The following PRR16 variants were observed in gnomAD, a reference collection of about 807,000 sequenced individuals.
PRR16 encodes the protein proline rich 16.
In PRR16, 6 loss-of-function variants were observed where a neutral mutation model predicts 18.2. That is an observed-to-expected ratio of 0.33 (90% CI 0.18 to 0.65). PRR16 has a LOEUF of 0.65. PRR16 is among the 30% of genes least tolerant of loss of function. The probability of loss-of-function intolerance (pLI) is 0.74; values close to 1 mark genes in which losing one functional copy is unlikely to be tolerated. For synonymous variants in PRR16, 151 were observed against 147.8 expected (o/e 1.02, Z -0.16); for missense variants, 412 against 376.6 (o/e 1.09, Z -0.78).
At chr5:120,690,179 A>G (rs948835119), downstream of PRR16, among the ~76,000 whole-genome samples, 1 of 152,182 alleles carries the variant, frequency 6.6e-6, no homozygotes, top group Admixed American at 6.5e-5. Context: ...ACAGATCAGC[A>G]TGACTAGAGC....
the PRR16 span, among the ~76,000 whole-genome samples, chr5:120,789,393 A>G: frequency 6.6e-6 from 1 of 152,142 alleles, no homozygotes. Context: ...ATTTTAATGT[A>G]CTTATTTAAA....
chr5:120,495,413 G>A (rs975883661), intron 1 of PRR16, among the ~76,000 whole-genome samples: 2 of 151,994 alleles, frequency 1.3e-5, no homozygotes, highest in Non-Finnish European at 2.9e-5. Flanking sequence ...TATATAAAAT[G>A]GTATGGTATT....
chr5:120,785,146 TAAAC>T, the PRR16 span, among the ~76,000 whole-genome samples: 95 of 152,348 alleles, frequency 6.2e-4, no homozygotes, highest in African/African-American at 2.1e-3. Flanking sequence ...ACAAATATCA[TAAAC>T]AAAGCTTGCC....
At chr5:120,561,171 G>A (rs1418987279) in intron 1 of PRR16, among the ~76,000 whole-genome samples, 2 of 151,368 alleles carry the variant, frequency 1.3e-5, no homozygotes, top group African/African-American at 4.9e-5. Flanking sequence ...AGTTGAGTTT[G>A]CTCTTTCATT....
At chr5:120,745,670 C>A in the PRR16 span, among the ~76,000 whole-genome samples, 1 of 147,274 alleles carries the variant, frequency 6.8e-6, no homozygotes, top group African/African-American at 2.6e-5. Context: ...TTTGTTTTAG[C>A]CTTGTATTTA....
chr5:120,595,228 A>C (rs911794252), intron 1 of PRR16, among the ~76,000 whole-genome samples: 2 of 152,008 alleles, frequency 1.3e-5, no homozygotes, highest in Non-Finnish European at 2.9e-5. Context: ...TAAGAAACTT[A>C]ACGAAATTTG....
intron 1 of PRR16, among the ~76,000 whole-genome samples, chr5:120,659,022 A>AC (rs1209837301): frequency 2.7e-4 from 40 of 150,416 alleles, no homozygotes; most frequent in Admixed American, 2.5e-3. Context: ...CTCACCTGCG[A>AC]CCCCCCATCA....
Position 120,687,177 on chromosome 5 carries a change from T to G in PRR16, c.*468T>G, listed in dbSNP as rs1316115625. ...TCACTAGTTTTTCATTATTAAATGC[T>G]GAGGCCAATACCAAGAAGTTTATTT... On this transcript the variant is annotated 3_prime_UTR_variant, in exon 2 of 2. Transcript: ENST00000407149. 6.5e-6 allele frequency: 1 copy of G among 152,734 alleles called. No homozygotes were observed. Among genetic ancestry groups the G allele is most frequent in the Non-Finnish European group, 1.5e-5 (1 of 68,178 alleles). 9.5% of individuals were successfully genotyped at this position (152,734 alleles called of 1,614,324 possible).
chr5:120,792,889 C>T, the PRR16 span, among the ~76,000 whole-genome samples: 1 of 150,978 alleles, frequency 6.6e-6, no homozygotes, highest in Admixed American at 6.6e-5. Flanking sequence ...TGGTGGCTCA[C>T]GCCTGTTAAT....
At chr5:120,601,063 A>C (rs1753966493) in intron 1 of PRR16, among the ~76,000 whole-genome samples, 1 of 151,958 alleles carries the variant, frequency 6.6e-6, no homozygotes, top group Non-Finnish European at 1.5e-5. Context: ...TGGTAGAGTT[A>C]TTTATATTCC....
the PRR16 span, among the ~76,000 whole-genome samples, chr5:120,704,523 A>G: frequency 6.6e-6 from 1 of 152,226 alleles, no homozygotes; most frequent in Non-Finnish European, 1.5e-5. Flanking sequence ...TTTATGGTAT[A>G]GAAACTAGAG....
At chr5:120,580,806 G>A (rs1333432485) in intron 1 of PRR16, among the ~76,000 whole-genome samples, 1 of 152,070 alleles carries the variant, frequency 6.6e-6, no homozygotes, top group Non-Finnish European at 1.5e-5. Flanking sequence ...TTTTGGTTCT[G>A]TTTATGTGAT....
intron 1 of PRR16, among the ~76,000 whole-genome samples, chr5:120,610,281 A>G (rs1039093588): frequency 2.0e-5 from 3 of 151,686 alleles, no homozygotes; most frequent in South Asian, 4.1e-4. Flanking sequence ...ATGTCACAAC[A>G]TGGGTTTTTA....
chr5:120,775,241 A>G, the PRR16 span, among the ~76,000 whole-genome samples: 1 of 152,180 alleles, frequency 6.6e-6, no homozygotes, highest in African/African-American at 2.4e-5. Flanking sequence ...TATTTTGCAT[A>G]ATAGCATATA....
At chr5:120,466,417 GGCT>G (rs1409719602) in intron 1 of PRR16, among the ~76,000 whole-genome samples, 1 of 152,170 alleles carries the variant, frequency 6.6e-6, no homozygotes, top group Non-Finnish European at 1.5e-5. Flanking sequence ...GTTTTCATGA[GGCT>G]GAGACTAAAA....
chr5:120,716,904 T>A, the PRR16 span, among the ~76,000 whole-genome samples: 3 of 151,816 alleles, frequency 2.0e-5, no homozygotes, highest in African/African-American at 7.3e-5. Context: ...CAAACAAAAA[T>A]CATGGTCCTT....
downstream of PRR16, among the ~76,000 whole-genome samples, chr5:120,691,483 C>G (rs1757208588): frequency 6.6e-6 from 1 of 151,972 alleles, no homozygotes; most frequent in South Asian, 2.1e-4. Context: ...AGTTCAAAGA[C>G]TATTATTTTG....
intron 1 of PRR16, among the ~76,000 whole-genome samples, chr5:120,558,520 G>A (rs1019752327): frequency 4.6e-5 from 7 of 151,882 alleles, no homozygotes; most frequent in African/African-American, 1.4e-4. Flanking sequence ...TTGTGTATAA[G>A]TACCACCTTT....
intron 1 of PRR16, among the ~76,000 whole-genome samples, chr5:120,533,599 A>T (rs1214725075): frequency 6.6e-6 from 1 of 152,144 alleles, no homozygotes; most frequent in African/African-American, 2.4e-5. Context: ...TGGGAAAAAC[A>T]TTCTATCCAG....
Sources: gnomAD v4.1 joint callset for allele counts (sites outside exome capture counted in the v4.1 genomes callset) on GRCh38, gnomAD v4.1.1 for gene constraint, MANE v1.5 for transcripts, NCBI Gene and HGNC (gene_info 2026-07-23, HGNC 2026-07-21) for gene names.